The following PARD3B variants were observed in gnomAD, a reference collection of about 807,000 sequenced individuals.
The protein encoded by PARD3B is par-3 family cell polarity regulator beta, also known as partitioning defective 3 homolog B.
Under a neutral mutation model 130.2 loss-of-function variants are expected in PARD3B, and 103 were observed. The observed-to-expected ratio is 0.79, with a 90% CI of 0.67 to 0.93. PARD3B has a LOEUF of 0.93. Ranked by LOEUF, PARD3B falls within the 40% of genes least tolerant of loss-of-function variation. PARD3B has a pLI of 0.00. For synonymous variants in PARD3B, 583 were observed against 553.2 expected (o/e 1.05, Z -0.76); for missense variants, 1,609 against 1,499.2 (o/e 1.07, Z -1.21).
At chr2:205,109,825 T>G (rs971972490) in intron 5 of PARD3B, among the ~76,000 whole-genome samples, 1 of 152,008 alleles carries the variant, frequency 6.6e-6, no homozygotes, top group African/African-American at 2.4e-5. Flanking sequence ...TGCTAATTTT[T>G]GTATTTTTAG....
rs796849681 is a variant in PARD3B at position 204,722,872 on chromosome 2, CCTT to C, written c.222+36593_222+36595del. Among the ~76,000 whole-genome samples, 7 of 152,262 alleles carry C rather than the reference CCTT, an allele frequency of 4.6e-5. No homozygotes were observed. In the South Asian group the frequency reaches 1.0e-3, roughly 23 times the overall value. On this transcript the variant is annotated intron_variant, in intron 2 of 22. Coordinates refer to ENST00000406610, the MANE Select transcript of PARD3B (RefSeq NM_001302769.2). ...CTATGCTGTCTGGCTCTCACTTCCA[CCTT>C]CTGACTCCCACTCTTTCCCTCTGCT...
rs773723317 is a variant in PARD3B, at chr2:205,301,564, C to T, written c.2493C>T (p.Ala831=). 1.2e-5 allele frequency: 20 copies of T among 1,613,190 alleles called. No individual in the cohort carries two copies. In the Admixed American group the frequency reaches 1.7e-4, roughly 13 times the overall value. The part of the protein sequence containing the change: ...NSELEDMENK[A]RKVKKTKEKE... Reference sequence around the variant, plus strand: ...AGCTAGAGGACATGGAAAATAAAGCCAGGAAAGTCAAAAAAACGAAAGAGA... The same window carrying T: ...AGCTAGAGGACATGGAAAATAAAGCTAGGAAAGTCAAAAAAACGAAAGAGA... The change falls in exon 18 of 23, where the codon GCC becomes GCT. Residue 831 remains alanine, a synonymous_variant. Transcript: ENST00000406610. This position sits in a 1 kb window ranked among gnomAD's most constrained non-coding sequence, Gnocchi z 5.2.
intron 2 of PARD3B, among the ~76,000 whole-genome samples, chr2:204,842,383 G>C (rs1575114192): frequency 6.6e-6 from 1 of 152,084 alleles, no homozygotes; most frequent in East Asian, 1.9e-4. Context: ...GGTTTCAGCT[G>C]CTTTCATTTC....
Position 205,330,256 on chromosome 2 carries a change from G to A in PARD3B, c.2630+28555G>A, listed in dbSNP as rs189925672. Among the ~76,000 whole-genome samples the A allele has an allele frequency of 1.8e-3, 268 of 149,890 alleles. 1 individual carries two copies. The highest frequency in any genetic ancestry group is 2.8e-3 in the Non-Finnish European group (187 of 67,462). On this transcript the variant is annotated intron_variant, in intron 18 of 22. Transcript: ENST00000406610. Reference sequence around the variant, plus strand: ...CTCAGGAGGCTGAGGGAGGAGAATCGCTTGAACCTAGAAGGCGGAGGTTGC... The same window carrying A: ...CTCAGGAGGCTGAGGGAGGAGAATCACTTGAACCTAGAAGGCGGAGGTTGC...
chr2:205,307,037 C>T (rs1200828192), intron 18 of PARD3B, among the ~76,000 whole-genome samples: 1 of 152,152 alleles, frequency 6.6e-6, no homozygotes, highest in Non-Finnish European at 1.5e-5. Context: ...TGCAGTTATA[C>T]CATGTAGAAT....
At chr2:205,418,585 A>G (rs1287569720) in intron 19 of PARD3B, among the ~76,000 whole-genome samples, 1 of 152,216 alleles carries the variant, frequency 6.6e-6, no homozygotes, top group Non-Finnish European at 1.5e-5. Context: ...ATCACCCAGT[A>G]TTTCCAGACA....
At chr2:205,302,010 C>T in intron 18 of PARD3B, 1 of 603,574 alleles carries the variant, frequency 1.7e-6, no homozygotes, top group East Asian at 2.9e-5. Context: ...CCCAAGAGTT[C>T]AAGACCAGCC....
At chr2:204,969,790 C>G (rs1691542478) in intron 3 of PARD3B, among the ~76,000 whole-genome samples, 1 of 152,148 alleles carries the variant, frequency 6.6e-6, no homozygotes, top group East Asian at 1.9e-4. Flanking sequence ...TAAATAGATA[C>G]TATGAATAGG....
intron 20 of PARD3B, among the ~76,000 whole-genome samples, chr2:205,493,674 T>C (rs182059907): frequency 1.0e-3 from 152 of 152,146 alleles, no homozygotes; most frequent in African/African-American, 3.5e-3. Flanking sequence ...GATAGGAATA[T>C]TCCTGTTAAA....
chr2:204,601,259 A>T (rs2033499364), intron 1 of PARD3B, among the ~76,000 whole-genome samples: 1 of 151,974 alleles, frequency 6.6e-6, no homozygotes, highest in Non-Finnish European at 1.5e-5. Context: ...AAATTTAAAG[A>T]AGCCCAGAGT....
intron 16 of PARD3B, among the ~76,000 whole-genome samples, chr2:205,249,926 A>G (rs2039767164): frequency 6.6e-6 from 1 of 151,322 alleles, no homozygotes; most frequent in African/African-American, 2.4e-5. Flanking sequence ...TTCAAATTCT[A>G]GCAATGCCTG....
intron 1 of PARD3B, among the ~76,000 whole-genome samples, chr2:204,680,666 C>T (rs2036784766): frequency 6.6e-6 from 1 of 151,872 alleles, no homozygotes; most frequent in Admixed American, 6.6e-5. Flanking sequence ...ACACATTTGG[C>T]ACTGATTTAC....
At chr2:205,255,776 A>G (rs1216530345) in intron 16 of PARD3B, among the ~76,000 whole-genome samples, 1 of 152,134 alleles carries the variant, frequency 6.6e-6, no homozygotes, top group Non-Finnish European at 1.5e-5. Flanking sequence ...AGGTTCTAGG[A>G]GCTTCCATGC....
chr2:204,858,541 A>G (rs2045051812), intron 2 of PARD3B, among the ~76,000 whole-genome samples: 2 of 151,340 alleles, frequency 1.3e-5, no homozygotes, highest in South Asian at 2.1e-4. Flanking sequence ...TAGAGAGGAT[A>G]AAACAGTGGT....
At chr2:205,560,012 A>C (rs1273311079) in intron 22 of PARD3B, among the ~76,000 whole-genome samples, 1 of 152,194 alleles carries the variant, frequency 6.6e-6, no homozygotes, top group Non-Finnish European at 1.5e-5. Flanking sequence ...ACTCAGCAGC[A>C]ACCTGATAAT....
intron 21 of PARD3B, among the ~76,000 whole-genome samples, chr2:205,524,452 A>G (rs2051242641): frequency 6.6e-6 from 1 of 152,144 alleles, no homozygotes; most frequent in Admixed American, 6.6e-5. Flanking sequence ...AGAACTTTGC[A>G]TCTGCTTAGT....
intron 20 of PARD3B, among the ~76,000 whole-genome samples, chr2:205,447,406 T>C (rs2047942949): frequency 6.6e-6 from 1 of 152,236 alleles, no homozygotes; most frequent in Admixed American, 6.5e-5. Flanking sequence ...AGATGGAGCT[T>C]CACTCTTGTT....
At chr2:204,845,869 T>C (rs2044443481) in intron 2 of PARD3B, among the ~76,000 whole-genome samples, 1 of 152,124 alleles carries the variant, frequency 6.6e-6, no homozygotes, top group African/African-American at 2.4e-5. Flanking sequence ...GATTTTATTG[T>C]CCTTCTTACC....
intron 2 of PARD3B, among the ~76,000 whole-genome samples, chr2:204,748,265 C>A (rs981895021): frequency 6.6e-6 from 1 of 152,006 alleles, no homozygotes; most frequent in African/African-American, 2.4e-5. Flanking sequence ...GTCACCAGTT[C>A]ATACACGTAA....
Sources: allele counts gnomAD v4.1 joint callset (sites outside exome capture counted in the v4.1 genomes callset), GRCh38; gene constraint gnomAD v4.1.1; non-coding constraint Gnocchi (gnomAD v3.1); transcripts MANE v1.5; gene names NCBI Gene and HGNC (gene_info 2026-07-23, HGNC 2026-07-21).